Variants in NOL10 observed in about 807,000 individuals in gnomAD.
NOL10 encodes the protein H_NH0074G24.1.
In NOL10, 58 loss-of-function variants were observed where a neutral mutation model predicts 103.5. That is an observed-to-expected ratio of 0.56 (90% CI 0.45 to 0.70). The LOEUF is 0.70. Among genes scored for constraint, NOL10 ranks in the 30% least tolerant of loss-of-function variants. NOL10 has a pLI of 0.00. For synonymous variants in NOL10, 287 were observed against 282.5 expected (o/e 1.02, Z -0.16); for missense variants, 763 against 807.3 (o/e 0.95, Z 0.67).
rs148830853 is a variant in NOL10, at chr2:10,667,921, C to T, written c.531-643G>A. 9.4e-3 allele frequency among the ~76,000 whole-genome samples: 1,429 copies of T among 152,086 alleles called. 27 individuals carry two copies. Among genetic ancestry groups the T allele is most frequent in the African/African-American group, 0.031 (1,287 of 41,474 alleles). On this transcript the variant is annotated intron_variant, in intron 7 of 20. Coordinates refer to ENST00000381685, the MANE Select transcript of NOL10 (RefSeq NM_024894.4). ...TTCTTATCACAACATGTTCACCTAA[C>T]CTTTAAAAATCCTCTCAAAGCAATA...
At chr2:10,675,165 A>G (rs1681216599) in intron 4 of NOL10, among the ~76,000 whole-genome samples, 1 of 151,772 alleles carries the variant, frequency 6.6e-6, no homozygotes, top group East Asian at 1.9e-4. Flanking sequence ...ATCATGCCAC[A>G]GCACTCCAGC....
At chr2:10,619,025 T>C (rs56403646) in intron 13 of NOL10, among the ~76,000 whole-genome samples, 32,647 of 152,090 alleles carry the variant, frequency 0.21, 4,559 homozygotes, top group East Asian at 0.44. Context: ...TTATAAACTT[T>C]GAACTTAAGC....
chr2:10,590,518 A>G (rs560836196), intron 17 of NOL10, among the ~76,000 whole-genome samples: 11 of 152,328 alleles, frequency 7.2e-5, no homozygotes, highest in African/African-American at 2.6e-4. Flanking sequence ...ACATGGTGGG[A>G]TGCAGGAAGC....
intron 2 of NOL10, 54 bp from the exon 3 acceptor site, chr2:10,682,123 C>T (rs1441157150): frequency 8.2e-6 from 6 of 728,396 alleles, no homozygotes; most frequent in Non-Finnish European, 1.3e-5. Context: ...TATTCTCTAT[C>T]ATAAGAAGAC....
chr2:10,627,870 A>G (rs1677578520), intron 13 of NOL10, among the ~76,000 whole-genome samples: 1 of 134,228 alleles, frequency 7.5e-6, no homozygotes, highest in Admixed American at 7.0e-5. Context: ...AAACCTATAC[A>G]TGTACCCCCT....
rs1462285047 is a variant in NOL10, at chr2:10,600,896, T to C, written c.1379A>G (p.Glu460Gly). The stretch of plus-strand genomic sequence containing the variant: ...TGTAGATTTCTGCTTCTCCTCTTCT[T>C]CCTCAATTAATTTAAGTGCCAGCTC... ...NKELALKLIE[E>G]EEEKQKSTWK... Residue 460 changes from glutamate (E) to glycine (G), a missense_variant, in exon 17 of 21, where the codon GAA becomes GGA. Glu to Gly is a moderately conservative substitution (Grantham distance 98). Coordinates refer to ENST00000381685, the MANE Select transcript of NOL10 (RefSeq NM_024894.4). The C allele has an allele frequency of 4.5e-6, 7 of 1,557,936 alleles. No individual in the cohort carries two copies. The highest frequency in any genetic ancestry group is 6.1e-6 in the Non-Finnish European group (7 of 1,149,638).
At chr2:10,673,971 C>T (rs1334077982) in intron 4 of NOL10, among the ~76,000 whole-genome samples, 1 of 151,488 alleles carries the variant, frequency 6.6e-6, no homozygotes, top group Non-Finnish European at 1.5e-5. Context: ...GAAAAATAGC[C>T]ATTATTAGTG....
At chr2:10,668,361 C>G (rs1295782445) in intron 7 of NOL10, among the ~76,000 whole-genome samples, 1 of 152,024 alleles carries the variant, frequency 6.6e-6, no homozygotes, top group Non-Finnish European at 1.5e-5. Context: ...GAGAAAATAT[C>G]ACAAAACAAA....
At chr2:10,573,085 C>G (rs13011892) in intron 20 of NOL10, among the ~76,000 whole-genome samples, 4 of 151,156 alleles carry the variant, frequency 2.6e-5, no homozygotes, top group African/African-American at 4.9e-5. Flanking sequence ...AATTTCTTAG[C>G]GGTGGAACTG....
intron 13 of NOL10, chr2:10,634,550 G>A: frequency 2.2e-6 from 1 of 456,748 alleles, no homozygotes; most frequent in Non-Finnish European, 4.4e-6. Flanking sequence ...CTGTAGCTCA[G>A]AGGGAAGGCT....
chr2:10,577,052 C>T (rs1346589927), intron 20 of NOL10, among the ~76,000 whole-genome samples: 4 of 132,652 alleles, frequency 3.0e-5, no homozygotes, highest in African/African-American at 1.1e-4. Context: ...CAGCTTACTC[C>T]TCCTACAATG....
intron 18 of NOL10, 71 bp downstream of exon 18, chr2:10,589,507 C>T (rs1675288242): frequency 8.4e-6 from 11 of 1,303,266 alleles, no homozygotes; most frequent in Admixed American, 2.8e-5. Context: ...ATCAAAGACT[C>T]TTCTAACTTA....
At chr2:10,645,838 T>A (rs1173145620) in intron 12 of NOL10, among the ~76,000 whole-genome samples, 1 of 151,982 alleles carries the variant, frequency 6.6e-6, no homozygotes, top group Non-Finnish European at 1.5e-5. Flanking sequence ...CTCGATACTA[T>A]CTTACCAAAA....
At chr2:10,574,568 A>G (rs1001766862) in intron 20 of NOL10, among the ~76,000 whole-genome samples, 38 of 149,008 alleles carry the variant, frequency 2.6e-4, no homozygotes, top group African/African-American at 8.9e-4. Context: ...AATGGCGTGA[A>G]CCCGGGAGGT....
chr2:10,685,509 C>T (rs1354928114), intron 1 of NOL10, among the ~76,000 whole-genome samples: 450 of 17,484 alleles, frequency 0.026, 55 homozygotes, highest in African/African-American at 0.079. Context: ...CCCCCCCCCG[C>T]CAAAAAAAAA....
Position 10,689,944 on chromosome 2 carries a change from T to A in NOL10, c.-83A>T. The A allele has an allele frequency of 7.5e-7, 1 of 1,338,602 alleles. No individual in the cohort carries two copies. Among genetic ancestry groups the A allele is most frequent in the Non-Finnish European group, 1.0e-6 (1 of 966,384 alleles). The allele number at this position is 1,338,602 out of a possible 1,614,324, so 82.9% of individuals were successfully genotyped here. ...CGTAATCCCGGGACCTCCGAGCCCCTGCTCCGCGGCGTGCGGCCGCTGGCG... is the reference window on the plus strand; with the variant it reads ...CGTAATCCCGGGACCTCCGAGCCCCAGCTCCGCGGCGTGCGGCCGCTGGCG... On this transcript the variant is annotated 5_prime_UTR_variant, in exon 1 of 21. Transcript: ENST00000381685.
In NOL10 at chr2:10,663,223, C is replaced by T. The variant is rs573474505; in HGVS notation, c.592-179G>A. ...TTCTACTAAAAATACAAAAAATTAG[C>T]TGGGTATGTGGTGCACGCCTGTAAT... is the stretch of plus-strand genomic sequence containing the variant. On this transcript the variant is annotated intron_variant, in intron 8 of 20. Coordinates refer to ENST00000381685, the MANE Select transcript of NOL10 (RefSeq NM_024894.4). Among the ~76,000 whole-genome samples the T allele has an allele frequency of 3.9e-5, 6 of 152,114 alleles. No individual in the cohort carries two copies. In the South Asian group the frequency reaches 1.2e-3, roughly 32 times the overall value.
intron 10 of NOL10, among the ~76,000 whole-genome samples, chr2:10,658,915 C>T (rs1304881506): frequency 6.6e-6 from 1 of 152,104 alleles, no homozygotes; most frequent in Non-Finnish European, 1.5e-5. Flanking sequence ...CCTGTCTCTA[C>T]AAAAAGTCAA....
At chr2:10,572,239 C>A (rs762870490) in intron 20 of NOL10, 49 bp from the exon 21 acceptor site, 9 of 1,602,848 alleles carry the variant, frequency 5.6e-6, no homozygotes, top group Non-Finnish European at 7.7e-6. Context: ...AAATTCTATA[C>A]CTCTTTTCTG....
Sources: gnomAD v4.1 joint callset for allele counts (sites outside exome capture counted in the v4.1 genomes callset) on GRCh38, gnomAD v4.1.1 for gene constraint, MANE v1.5 for transcripts, NCBI Gene and HGNC (gene_info 2026-07-23, HGNC 2026-07-21) for gene names.